The following CNTN4 variants were observed in gnomAD, a reference collection of about 807,000 sequenced individuals.
The protein encoded by CNTN4 is contactin 4, also known as contactin-4.
A neutral mutation model predicts 122.5 loss-of-function variants in CNTN4; 77 were observed. The ratio of observed to expected loss-of-function variants is 0.63; its 90% CI spans 0.52 to 0.76. CNTN4 has a LOEUF of 0.76. Among genes scored for constraint, CNTN4 ranks in the 30% least tolerant of loss-of-function variants. CNTN4 has a pLI of 0.00. For synonymous variants in CNTN4, 512 were observed against 447.0 expected (o/e 1.15, Z -1.83); for missense variants, 1,256 against 1,259.1 (o/e 1.00, Z 0.04).
intron 6 of CNTN4, among the ~76,000 whole-genome samples, chr3:2,815,301 C>A (rs915376201): frequency 1.3e-5 from 2 of 152,156 alleles, no homozygotes; most frequent in Non-Finnish European, 2.9e-5. Context: ...AGTGAACGGA[C>A]AACCCACAGA....
intron 3 of CNTN4, among the ~76,000 whole-genome samples, chr3:2,479,922 C>A (rs570786795): frequency 6.6e-6 from 1 of 152,158 alleles, no homozygotes; most frequent in African/African-American, 2.4e-5. Flanking sequence ...TACACCACCA[C>A]CACCAAGTGG....
At chr3:2,159,720 C>T (rs1241275214) in intron 2 of CNTN4, among the ~76,000 whole-genome samples, 1 of 152,018 alleles carries the variant, frequency 6.6e-6, no homozygotes, top group African/African-American at 2.4e-5. Flanking sequence ...GATATATAAG[C>T]AGCCGTTAAC....
chr3:2,452,331 G>A (rs1302736758), intron 3 of CNTN4, among the ~76,000 whole-genome samples: 1 of 152,176 alleles, frequency 6.6e-6, no homozygotes, highest in African/African-American at 2.4e-5. Context: ...AGCACCAAGT[G>A]TTAGTTGCTT....
intron 3 of CNTN4, among the ~76,000 whole-genome samples, chr3:2,531,677 C>G (rs760886321): frequency 5.3e-5 from 8 of 152,098 alleles, no homozygotes; most frequent in African/African-American, 1.9e-4. Flanking sequence ...ACTCTCTTAA[C>G]GAGATTTCTG....
At chr3:2,626,339 A>G (rs1397330139) in intron 4 of CNTN4, among the ~76,000 whole-genome samples, 1 of 150,580 alleles carries the variant, frequency 6.6e-6, no homozygotes, top group African/African-American at 2.4e-5. Flanking sequence ...TAAAAATACG[A>G]AAAAAAAATT....
intron 3 of CNTN4, among the ~76,000 whole-genome samples, chr3:2,462,702 C>G (rs150532659): frequency 7.2e-4 from 110 of 152,204 alleles, no homozygotes; most frequent in African/African-American, 2.6e-3. Flanking sequence ...ACAAGAGTTT[C>G]CAAGTATAAT....
At chr3:2,672,356 TCTCAGA>T (rs2084576356) in intron 4 of CNTN4, among the ~76,000 whole-genome samples, 1 of 152,176 alleles carries the variant, frequency 6.6e-6, no homozygotes, top group Non-Finnish European at 1.5e-5. Context: ...TGCAGTTTGA[TCTCAGA>T]CTGCCGTGCT....
At chr3:2,657,829 T>G (rs903916781) in intron 4 of CNTN4, among the ~76,000 whole-genome samples, 6 of 151,716 alleles carry the variant, frequency 4.0e-5, no homozygotes, top group African/African-American at 1.5e-4. Context: ...AGTGACTTTC[T>G]TAATTTCAGT....
rs578099563 is a variant in CNTN4 at position 2,574,383 on chromosome 3, T to C, written c.55+2825T>C. ...TACCATAATTAGTGACTCTCACATA[T>C]GCCTTTTCCTGATCTTTTTCTTCCC... On this transcript the variant is annotated intron_variant, in intron 4 of 24. Transcript: ENST00000418658. Among the ~76,000 whole-genome samples the C allele has an allele frequency of 3.3e-5, 5 of 152,314 alleles. 1 individual carries two copies. The highest frequency in any genetic ancestry group is 1.2e-4 in the African/African-American group (5 of 41,556).
intron 3 of CNTN4, among the ~76,000 whole-genome samples, chr3:2,518,889 G>A (rs66479442): frequency 4.6e-5 from 7 of 152,070 alleles, no homozygotes; most frequent in Middle Eastern, 3.4e-3. Flanking sequence ...CATGGGAGCC[G>A]CCACAGGAAA....
intron 3 of CNTN4, among the ~76,000 whole-genome samples, chr3:2,464,167 T>C (rs1330608281): frequency 6.6e-6 from 1 of 152,220 alleles, no homozygotes; most frequent in Non-Finnish European, 1.5e-5. Flanking sequence ...TCCTAGGTAC[T>C]AGAATACCTA....
chr3:2,910,943 G>C (rs898949264), intron 12 of CNTN4, among the ~76,000 whole-genome samples: 7 of 152,148 alleles, frequency 4.6e-5, no homozygotes, highest in Non-Finnish European at 7.3e-5. Flanking sequence ...AAAGCCAATA[G>C]CATTAAAGCA....
At chr3:2,274,972 AAATT>A (rs2041446199) in intron 2 of CNTN4, among the ~76,000 whole-genome samples, 1 of 152,210 alleles carries the variant, frequency 6.6e-6, no homozygotes, top group South Asian at 2.1e-4. Flanking sequence ...GAGTGAGAAT[AAATT>A]ACTGCAAATC....
chr3:2,212,831 T>C (rs2038680520), intron 2 of CNTN4, among the ~76,000 whole-genome samples: 1 of 152,222 alleles, frequency 6.6e-6, no homozygotes, highest in Non-Finnish European at 1.5e-5. Flanking sequence ...ACCAAAGATA[T>C]TTTCTAAATT....
Position 3,057,471 on chromosome 3 carries a change from C to G in CNTN4, c.*1251C>G, listed in dbSNP as rs1234070575. 6.6e-6 allele frequency: 1 copy of G among 152,584 alleles called. No homozygotes were observed. The highest frequency in any genetic ancestry group is 1.5e-5 in the Non-Finnish European group (1 of 68,022). The allele number at this position is 152,584 out of a possible 1,614,324, so 9.5% of individuals were successfully genotyped here. A position where few individuals can be genotyped will look rare whatever the true frequency, so the allele number is the denominator to read the frequency against. The stretch of plus-strand genomic sequence containing the variant: ...CAAAACTGTATTCTTATGAAAAGAA[C>G]TATTTGTTACAATGAGAAAGGTTTT... On this transcript the variant is annotated 3_prime_UTR_variant, in exon 25 of 25. Transcript: ENST00000418658.
chr3:2,892,462 G>A (rs1207688314), intron 10 of CNTN4, among the ~76,000 whole-genome samples: 2 of 152,192 alleles, frequency 1.3e-5, no homozygotes, highest in South Asian at 2.1e-4. Flanking sequence ...GTCACATCAG[G>A]CATTTTAGCC....
chr3:2,828,722 A>C (rs905665373), intron 7 of CNTN4, among the ~76,000 whole-genome samples: 2 of 152,040 alleles, frequency 1.3e-5, no homozygotes, highest in East Asian at 3.9e-4. Context: ...TTTTTTAAAA[A>C]AATCAGGAAT....
chr3:2,790,696 G>A (rs1185262924), intron 6 of CNTN4, among the ~76,000 whole-genome samples: 1 of 152,192 alleles, frequency 6.6e-6, no homozygotes, highest in African/African-American at 2.4e-5. Context: ...CAAGTTTGAT[G>A]TCTGTCATAG....
chr3:2,517,303 G>A (rs1450197691), intron 3 of CNTN4, among the ~76,000 whole-genome samples: 2 of 152,072 alleles, frequency 1.3e-5, no homozygotes, highest in Non-Finnish European at 2.9e-5. Flanking sequence ...TAGTTCAGTA[G>A]ATATTGATAA....
Sources: gnomAD v4.1 joint callset for allele counts (sites outside exome capture counted in the v4.1 genomes callset) on GRCh38, gnomAD v4.1.1 for gene constraint, MANE v1.5 for transcripts, NCBI Gene and HGNC (gene_info 2026-07-23, HGNC 2026-07-21) for gene names.